PES1: variants seen among roughly 807,000 people sequenced by gnomAD.
PES1 encodes pescadillo homolog.
A neutral mutation model predicts 77.1 loss-of-function variants in PES1; 31 were observed. The observed-to-expected ratio is 0.40, with a 90% CI of 0.30 to 0.54. The LOEUF (loss-of-function observed/expected upper bound fraction) is 0.54, where lower values mean the gene tolerates loss of function less well. Among genes scored for constraint, PES1 ranks in the 20% least tolerant of loss-of-function variants. The pLI is 0.45. For synonymous variants in PES1, 282 were observed against 303.0 expected, an observed-to-expected ratio of 0.93 and a Z score of 0.72; for missense variants, 658 against 771.7, an observed-to-expected ratio of 0.85 and a Z score of 1.75.
chr22:30,581,452 C>T, intron 7 of PES1, 44 bp from the exon 8 acceptor site: 3 of 1,606,808 alleles, frequency 1.9e-6, no homozygotes, highest in South Asian at 1.1e-5. Flanking sequence ...ACAGCCACAG[C>T]CCCTCGCCTC....
chr22:30,580,966 C>T (rs375893770), intron 9 of PES1, 46 bp downstream of exon 9: 5 of 1,530,056 alleles, frequency 3.3e-6, no homozygotes, highest in Non-Finnish European at 4.5e-6. Context: ...AAACCCCCCA[C>T]ACGACCCCTC....
chr22:30,579,120 A>C lies in PES1; in HGVS notation c.1521+17T>G. On this transcript the variant is annotated intron_variant, in intron 13 of 14. Coordinates refer to ENST00000354694, the MANE Select transcript of PES1 (RefSeq NM_014303.4). ...GGCTGCTTCCCAGGCCAAGCCCCGC[A>C]TTGCAGCTCCCCCTACCTTCCCCTC... 1 of 1,607,660 alleles carries C rather than the reference A, an allele frequency of 6.2e-7. No homozygotes were observed.
exon 1 of PES1, chr22:30,606,950 A>C (rs940517405): frequency 1.9e-5 from 19 of 989,876 alleles, no homozygotes; most frequent in Non-Finnish European, 2.4e-5. Flanking sequence ...GACAGCAGAC[A>C]GGCACGGTCG....
intron 7 of PES1, 28 bp downstream of exon 7, chr22:30,581,500 A>G: frequency 1.2e-6 from 2 of 1,605,600 alleles, no homozygotes; most frequent in South Asian, 1.1e-5. Flanking sequence ...CTGCACGGCG[A>G]GCAGAAGGCA....
intron 6 of PES1, among the ~76,000 whole-genome samples, chr22:30,581,879 G>C (rs1316708265): frequency 6.6e-6 from 1 of 152,126 alleles, no homozygotes; most frequent in African/African-American, 2.4e-5. Context: ...GGGTCCCAAG[G>C]GTTAGACGCA....
chr22:30,581,283 C>T, intron 8 of PES1, 51 bp downstream of exon 8: 3 of 1,583,896 alleles, frequency 1.9e-6, no homozygotes, highest in Non-Finnish European at 2.6e-6. Context: ...GTGTTGGGGA[C>T]AGAGACCACT....
At chr22:30,605,793 C>T (rs1271376360) in intron 1 of PES1, among the ~76,000 whole-genome samples, 1 of 152,196 alleles carries the variant, frequency 6.6e-6, no homozygotes, top group Non-Finnish European at 1.5e-5. Flanking sequence ...AACAGACACA[C>T]GTTGCTGTAT....
intron 2 of PES1, among the ~76,000 whole-genome samples, chr22:30,600,043 G>A (rs1340234328): frequency 2.0e-5 from 3 of 150,954 alleles, no homozygotes; most frequent in East Asian, 4.0e-4. Flanking sequence ...TAAAAAATAC[G>A]TTACAGGGCC....
At chr22:30,584,853 G>T in intron 4 of PES1, 136 bp from the exon 5 acceptor site, 1 of 834,214 alleles carries the variant, frequency 1.2e-6, no homozygotes, top group Non-Finnish European at 1.9e-6. Context: ...CCTGGCAGGA[G>T]CAGCTTCCCC....
Position 30,578,824 on chromosome 22 carries a change from G to T in PES1, c.1683+13C>A. ...GGCCACACCTGGATCTCAAGTGGGTGGCAAGAACTCACCTCTCGGATTTTT... is the reference window on the plus strand; with the variant it reads ...GGCCACACCTGGATCTCAAGTGGGTTGCAAGAACTCACCTCTCGGATTTTT... On this transcript the variant is annotated intron_variant, in intron 14 of 14. Transcript: ENST00000354694. 6.2e-7 allele frequency: 1 copy of T among 1,611,948 alleles called. No homozygotes were observed. The highest frequency in any genetic ancestry group is 1.1e-5 in the South Asian group (1 of 90,960).
At position 30,587,175 on chromosome 22, in the gene PES1, C is replaced by T. The variant is rs946181310; in HGVS notation, c.368+111G>A. ...TTGGTCTGTGTCCTTGAAAAAGTTG[C>T]AAGCTCTTTGAGCAGGGTCTTGGTC... is the stretch of plus-strand genomic sequence containing the variant. On this transcript the variant is annotated intron_variant, in intron 4 of 14. Transcript: ENST00000354694. The T allele has an allele frequency of 1.7e-4, 138 of 789,350 alleles. 1 individual carries two copies. The Admixed American group carries it at 3.2e-3, about 18-fold the overall frequency. The allele number at this position is 789,350 out of a possible 1,614,324, so 48.9% of individuals were successfully genotyped here.
rs1307550625 is a variant in PES1 at position 30,580,042 on chromosome 22, T to C, written c.1169+11A>G. The C allele has an allele frequency of 6.2e-7, 1 of 1,613,360 alleles. No individual in the cohort carries two copies. Among genetic ancestry groups the C allele is most frequent in the Non-Finnish European group, 8.5e-7 (1 of 1,179,658 alleles). Reference sequence around the variant, plus strand: ...ACCCAGAAATCCGGACGAGGACCCTTGAGGGCCTACCTGCCAATGACTGAG... The same window carrying C: ...ACCCAGAAATCCGGACGAGGACCCTCGAGGGCCTACCTGCCAATGACTGAG... On this transcript the variant is annotated intron_variant, in intron 11 of 14. Coordinates refer to ENST00000354694, the MANE Select transcript of PES1 (RefSeq NM_014303.4).
intron 4 of PES1, chr22:30,585,139 G>T: frequency 2.4e-6 from 1 of 409,346 alleles, no homozygotes; most frequent in South Asian, 1.8e-5. Flanking sequence ...AGCAGGGAGC[G>T]GGGTGGGGGC....
chr22:30,589,050 T>A, intron 2 of PES1, 141 bp downstream of exon 2: 13 of 551,608 alleles, frequency 2.4e-5, no homozygotes, highest in African/African-American at 3.8e-5. Flanking sequence ...CAAACACAAC[T>A]CACTAAAGCA....
chr22:30,588,232 GC>G, intron 2 of PES1, 58 bp from the exon 3 acceptor site: 5 of 1,605,706 alleles, frequency 3.1e-6, no homozygotes, highest in Non-Finnish European at 4.3e-6. Flanking sequence ...GGGAGCACTG[GC>G]CACAGCTGGG....
chr22:30,606,810 T>G (rs1473112841), exon 1 of PES1: 14 of 995,640 alleles, frequency 1.4e-5, no homozygotes, highest in Non-Finnish European at 1.4e-5. Flanking sequence ...GCTGCTCACG[T>G]GACCACTGCA....
chr22:30,581,508 G>T lies in PES1; in HGVS notation c.747+20C>A. ...GTGGCCCCTGCACGGCGAGCAGAAGGCACTGGGCTGGGGTCCTACCTTCGG... is the reference window on the plus strand; with the variant it reads ...GTGGCCCCTGCACGGCGAGCAGAAGTCACTGGGCTGGGGTCCTACCTTCGG... On this transcript the variant is annotated intron_variant, in intron 7 of 14. Coordinates refer to ENST00000354694, the MANE Select transcript of PES1 (RefSeq NM_014303.4). 1 of 1,606,408 alleles carries T rather than the reference G, an allele frequency of 6.2e-7. No homozygotes were observed. Among genetic ancestry groups the T allele is most frequent in the Non-Finnish European group, 8.5e-7 (1 of 1,173,270 alleles).
chr22:30,585,742 A>G (rs938811957), intron 4 of PES1, among the ~76,000 whole-genome samples: 1 of 152,010 alleles, frequency 6.6e-6, no homozygotes, highest in African/African-American at 2.4e-5. Context: ...AAAAAAAAAA[A>G]AAAGAATGGG....
At chr22:30,593,143 G>C (rs913657812), upstream of PES1, among the ~76,000 whole-genome samples, 2 of 152,100 alleles carry the variant, frequency 1.3e-5, no homozygotes, top group Non-Finnish European at 2.9e-5. Flanking sequence ...TATGTGACTT[G>C]CACTATCTAA....
Sources: gnomAD v4.1 joint callset for allele counts (sites outside exome capture counted in the v4.1 genomes callset) on GRCh38, gnomAD v4.1.1 for gene constraint, MANE v1.5 for transcripts, NCBI Gene and HGNC (gene_info 2026-07-23, HGNC 2026-07-21) for gene names.